Variants in SRL observed in about 807,000 individuals in gnomAD.
SRL encodes the protein sarcalumenin.
In SRL, 23 loss-of-function variants were observed where a neutral mutation model predicts 39.5. The ratio of observed to expected loss-of-function variants is 0.58; its 90% confidence interval spans 0.42 to 0.82. The LOEUF is 0.82. Ranked by LOEUF, SRL falls within the 40% of genes least tolerant of loss-of-function variation. The probability of loss-of-function intolerance (pLI) is 0.00; values close to 1 mark genes in which losing one functional copy is unlikely to be tolerated. For synonymous variants in SRL, 272 were observed against 237.4 expected, an observed-to-expected ratio of 1.15 and a Z score of -1.34; for missense variants, 592 against 607.8, an observed-to-expected ratio of 0.97 and a Z score of 0.27.
chr16:4,232,603 C>T (rs916933458), intron 1 of SRL, among the ~76,000 whole-genome samples: 39 of 152,088 alleles, frequency 2.6e-4, no homozygotes, highest in African/African-American at 7.5e-4. Context: ...CATGACCTCC[C>T]GGGCTCAAGA....
At chr16:4,225,813 C>T (rs980875417) in intron 1 of SRL, among the ~76,000 whole-genome samples, 3 of 151,962 alleles carry the variant, frequency 2.0e-5, no homozygotes, top group African/African-American at 7.3e-5. Flanking sequence ...GAGACCCCCA[C>T]TCCACACACT....
chr16:4,230,245 A>AC (rs1156722197), intron 1 of SRL, among the ~76,000 whole-genome samples: 1 of 152,034 alleles, frequency 6.6e-6, no homozygotes, highest in East Asian at 1.9e-4. Flanking sequence ...AGGGGGGGCA[A>AC]CCCATGAGCT....
At chr16:4,203,019 G>C in intron 3 of SRL, 147 bp downstream of exon 3, 1 of 704,912 alleles carries the variant, frequency 1.4e-6, no homozygotes. Context: ...CCCAGACCCA[G>C]ACCCACAAGT....
At chr16:4,241,944 A>C in intron 1 of SRL, 63 bp downstream of exon 1, 1 of 1,590,422 alleles carries the variant, frequency 6.3e-7, no homozygotes, top group Non-Finnish European at 8.6e-7. Flanking sequence ...CATGGTAGAC[A>C]GAAAACCTTG....
chr16:4,211,077 G>C (rs1320213931), intron 1 of SRL, among the ~76,000 whole-genome samples: 1 of 151,998 alleles, frequency 6.6e-6, no homozygotes, highest in Non-Finnish European at 1.5e-5. Context: ...GCTGCATATT[G>C]AAATCACCTG....
chr16:4,213,404 C>CTTTTTTTTTTTTTTTTTTT (rs1176583909), intron 1 of SRL, among the ~76,000 whole-genome samples: 2 of 69,584 alleles, frequency 2.9e-5, no homozygotes, highest in Non-Finnish European at 5.2e-5. Context: ...TTTTCTTTTT[C>CTTTTTTTTTTTTTTTTTTT]TTTTTTTTTT....
chr16:4,199,397 T>A (rs7187008), intron 3 of SRL, among the ~76,000 whole-genome samples: 38 of 129,382 alleles, frequency 2.9e-4, no homozygotes, highest in Admixed American at 4.4e-4. Context: ...TTTGAGACAG[T>A]GTCTCACTCT....
In SRL at chr16:4,192,927, G is replaced by T. The variant is rs974796067; in HGVS notation, c.648C>A (p.Asp216Glu). The T allele has an allele frequency of 1.9e-6, 3 of 1,613,334 alleles. No individual in the cohort carries two copies. The highest frequency in any genetic ancestry group is 1.7e-6 in the Non-Finnish European group (2 of 1,179,720). ...PFNDVCQWFI[D>E]RADLIFVVFD... ...AGACGACAAAGATGAGGTCAGCTCT[G>T]TCGATGAACCACTGGCACACGTCGT... The change falls in exon 6 of 6, where the codon GAC (aspartate) becomes GAA (glutamate). Residue 216 changes from aspartate to glutamate, a missense_variant. Physicochemically the swap from Asp to Glu is conservative, Grantham distance 45. Coordinates refer to ENST00000399609, the MANE Select transcript of SRL (RefSeq NM_001098814.2). This position sits in a 1 kb window ranked among gnomAD's most constrained non-coding sequence, Gnocchi z 4.0.
chr16:4,234,487 G>A (rs1369413913), intron 1 of SRL, among the ~76,000 whole-genome samples: 7 of 152,292 alleles, frequency 4.6e-5, no homozygotes, highest in South Asian at 4.1e-4. Context: ...CCTTGACTCC[G>A]AGTAAAACCA....
chr16:4,230,671 A>G (rs147083018), intron 1 of SRL, among the ~76,000 whole-genome samples: 1 of 151,752 alleles, frequency 6.6e-6, no homozygotes, highest in Non-Finnish European at 1.5e-5. Context: ...TACAGGTGTG[A>G]GCCACCACAC....
chr16:4,230,789 C>T (rs1450785678), intron 1 of SRL, among the ~76,000 whole-genome samples: 3 of 152,022 alleles, frequency 2.0e-5, no homozygotes, highest in Non-Finnish European at 4.4e-5. Context: ...CTTCAATGTC[C>T]TTAGGTGATG....
intron 1 of SRL, among the ~76,000 whole-genome samples, chr16:4,231,990 A>T (rs547129848): frequency 7.2e-5 from 11 of 152,354 alleles, no homozygotes; most frequent in African/African-American, 2.4e-4. Flanking sequence ...AAACGCAGAG[A>T]TAGTCAGGGA....
intron 3 of SRL, among the ~76,000 whole-genome samples, chr16:4,201,359 C>T (rs1444507509): frequency 2.0e-5 from 3 of 151,942 alleles, no homozygotes; most frequent in Non-Finnish European, 4.4e-5. Flanking sequence ...TCACTGCAAC[C>T]TCTGCCTCCC....
At chr16:4,203,340 C>A in intron 2 of SRL, 79 bp from the exon 3 acceptor site, 1 of 1,180,182 alleles carries the variant, frequency 8.5e-7, no homozygotes, top group South Asian at 1.2e-5. Flanking sequence ...GGGGCCTCAC[C>A]ACCCAGGGCA....
chr16:4,229,694 G>C (rs945184023), intron 1 of SRL, among the ~76,000 whole-genome samples: 11 of 151,856 alleles, frequency 7.2e-5, no homozygotes, highest in African/African-American at 2.4e-4. Context: ...TTCACTATCT[G>C]GCTGATAAGA....
At chr16:4,206,647 C>G in intron 1 of SRL, 1 of 456,050 alleles carries the variant, frequency 2.2e-6, no homozygotes, top group Non-Finnish European at 4.4e-6. Context: ...TCTGTCCCTG[C>G]CTGTCCCCTA....
At chr16:4,207,130 C>A (rs9932378) in intron 1 of SRL, 3 of 456,486 alleles carry the variant, frequency 6.6e-6, no homozygotes, top group East Asian at 7.0e-5. Context: ...TCGGAGGCGC[C>A]CTCTGCTTCT....
At chr16:4,194,869 C>G (rs1004865848) in intron 5 of SRL, among the ~76,000 whole-genome samples, 1 of 152,090 alleles carries the variant, frequency 6.6e-6, no homozygotes, top group Non-Finnish European at 1.5e-5. Context: ...CTGCCTACCA[C>G]CCACTGTCAA....
At chr16:4,202,258 G>C (rs7198984) in intron 3 of SRL, among the ~76,000 whole-genome samples, 8 of 151,974 alleles carry the variant, frequency 5.3e-5, no homozygotes, top group South Asian at 2.1e-4. Context: ...TGCTTGGAAG[G>C]CTTCACTATA....
Sources: gnomAD v4.1 joint callset for allele counts (sites outside exome capture counted in the v4.1 genomes callset) on GRCh38, gnomAD v4.1.1 for gene constraint, Gnocchi (gnomAD v3.1) non-coding constraint, MANE v1.5 for transcripts, NCBI Gene and HGNC (gene_info 2026-07-23, HGNC 2026-07-21) for gene names.